CCDC141: variants seen among roughly 807,000 people sequenced by gnomAD.
The protein encoded by CCDC141 is coiled-coil domain containing 141.
A neutral mutation model predicts 181.0 loss-of-function variants in CCDC141; 168 were observed. The ratio of observed to expected loss-of-function variants is 0.93; its 90% CI spans 0.82 to 1.05. The LOEUF (loss-of-function observed/expected upper bound fraction) is 1.05, where lower values mean the gene tolerates loss of function less well. Ranked by LOEUF, CCDC141 falls within the 50% of genes least tolerant of loss-of-function variation. CCDC141 has a pLI of 0.00. For synonymous variants in CCDC141, 666 were observed against 642.3 expected (o/e 1.04, Z -0.56); for missense variants, 1,902 against 1,788.5 (o/e 1.06, Z -1.14).
At position 178,886,863 on chromosome 2, in the gene CCDC141, C is replaced by A; in HGVS notation, c.1416G>T (p.Met472Ile). ...GTACTGGACTGATTTTCTGAATTGA[C>A]ATTTCCACCTTTAGGAGTGAATAAT... ...SVEGYLRKVE[M>I]SIQKISPVLS... The change falls in exon 10 of 24, where the codon ATG (methionine) becomes ATT (isoleucine). Residue 472 changes from methionine (M) to isoleucine (I), a missense_variant. Met to Ile is a conservative substitution (Grantham distance 10). Transcript: ENST00000443758. 12 of 1,424,578 alleles carry A rather than the reference C, an allele frequency of 8.4e-6. No individual in the cohort carries two copies. Among genetic ancestry groups the A allele is most frequent in the Non-Finnish European group, 1.0e-5 (11 of 1,090,572 alleles). The allele number at this position is 1,424,578 out of a possible 1,614,324, so 88.2% of individuals were successfully genotyped here. A position where few individuals can be genotyped will look rare whatever the true frequency, so the allele number is the denominator to read the frequency against.
At chr2:178,840,616 C>A (rs1684680078) in intron 22 of CCDC141, among the ~76,000 whole-genome samples, 1 of 152,092 alleles carries the variant, frequency 6.6e-6, no homozygotes, top group Non-Finnish European at 1.5e-5. Flanking sequence ...ATGAAAATCC[C>A]CCGGAGGTGA....
At chr2:179,034,299 A>G (rs544026584) in intron 2 of CCDC141, among the ~76,000 whole-genome samples, 2 of 152,244 alleles carry the variant, frequency 1.3e-5, no homozygotes, top group Middle Eastern at 3.4e-3. Context: ...ATGATGACAG[A>G]TGGAAATGGA....
downstream of CCDC141, among the ~76,000 whole-genome samples, chr2:178,827,770 T>C (rs1684146527): frequency 1.3e-5 from 2 of 152,112 alleles, no homozygotes; most frequent in Non-Finnish European, 2.9e-5. Flanking sequence ...AACATGGTCA[T>C]TGTAGTAGCT....
chr2:178,981,480 A>G (rs114186651), intron 2 of CCDC141, among the ~76,000 whole-genome samples: 2,882 of 151,600 alleles, frequency 0.019, 92 homozygotes, highest in African/African-American at 0.065. Context: ...ATTAAACAAC[A>G]CACTTTAAAA....
At position 178,869,324 on chromosome 2, in the gene CCDC141, T is replaced by C. The variant is rs1686002628; in HGVS notation, c.2206-19A>G. 6.4e-7 allele frequency: 1 copy of C among 1,558,328 alleles called. No homozygotes were observed. The highest frequency in any genetic ancestry group is 8.6e-7 in the Non-Finnish European group (1 of 1,157,932). On this transcript the variant is annotated intron_variant, in intron 14 of 23. Coordinates refer to ENST00000443758, the MANE Select transcript of CCDC141 (RefSeq NM_173648.4). ...TCAATTGCTAAAACATTGAAAGCAA[T>C]AAAAAAATCTTGCTATTAAAGAACT...
chr2:178,915,475 A>G (rs944852125), intron 7 of CCDC141, among the ~76,000 whole-genome samples: 1 of 152,252 alleles, frequency 6.6e-6, no homozygotes, highest in Non-Finnish European at 1.5e-5. Flanking sequence ...TTGATACATT[A>G]GTATTTGACA....
intron 2 of CCDC141, among the ~76,000 whole-genome samples, chr2:179,042,456 T>C (rs1428470297): frequency 6.6e-6 from 1 of 152,186 alleles, no homozygotes; most frequent in East Asian, 1.9e-4. Context: ...CAATAAATTC[T>C]CCTGCCTCAG....
intron 17 of CCDC141, among the ~76,000 whole-genome samples, chr2:178,860,304 G>A (rs539474305): frequency 6.6e-6 from 1 of 151,852 alleles, no homozygotes; most frequent in Admixed American, 6.6e-5. Context: ...AGGCTGAGGC[G>A]GGTGGATCAC....
chr2:178,866,696 G>A (rs895514691), intron 16 of CCDC141, among the ~76,000 whole-genome samples: 5 of 143,616 alleles, frequency 3.5e-5, no homozygotes, highest in Admixed American at 3.4e-4. Flanking sequence ...GTTTTGTTTT[G>A]TTGTTGTTGT....
At chr2:179,041,505 T>TTG (rs2043305201) in intron 2 of CCDC141, among the ~76,000 whole-genome samples, 1 of 143,652 alleles carries the variant, frequency 7.0e-6, no homozygotes, top group Admixed American at 6.9e-5. Flanking sequence ...TTTTTTTTTT[T>TTG]TTTTTTTTTT....
intron 12 of CCDC141, 26 bp from the exon 13 acceptor site, chr2:178,872,338 A>G: frequency 6.3e-6 from 10 of 1,575,022 alleles, no homozygotes; most frequent in Non-Finnish European, 8.6e-6. Flanking sequence ...TTCATATAAT[A>G]GCTTTTCTTT....
intron 17 of CCDC141, among the ~76,000 whole-genome samples, chr2:178,859,741 TA>T (rs1169024384): frequency 1.3e-5 from 2 of 152,236 alleles, no homozygotes. Context: ...ATTTAAAAAC[TA>T]TAGCTATTTT....
At chr2:178,836,672 A>G (rs879580147) in intron 23 of CCDC141, 1 of 452,862 alleles carries the variant, frequency 2.2e-6, no homozygotes, top group Non-Finnish European at 3.8e-6. Context: ...AATTTGTTAA[A>G]TTATTAGTAC....
At chr2:179,011,534 A>G (rs1316981448) in intron 2 of CCDC141, among the ~76,000 whole-genome samples, 3 of 152,202 alleles carry the variant, frequency 2.0e-5, no homozygotes, top group African/African-American at 7.2e-5. Flanking sequence ...GGACTTCAAT[A>G]CCCCACTGAC....
At chr2:178,894,538 A>G (rs145791398) in intron 8 of CCDC141, among the ~76,000 whole-genome samples, 99 of 152,272 alleles carry the variant, frequency 6.5e-4, no homozygotes, top group African/African-American at 2.3e-3. Context: ...CCCACAATAA[A>G]AGACCAAGAA....
At chr2:178,864,139 G>A (rs1387013732) in intron 17 of CCDC141, among the ~76,000 whole-genome samples, 1 of 152,106 alleles carries the variant, frequency 6.6e-6, no homozygotes, top group Non-Finnish European at 1.5e-5. Flanking sequence ...CAAATGTAGA[G>A]CCCAACCATC....
intron 8 of CCDC141, among the ~76,000 whole-genome samples, chr2:178,894,270 G>A (rs1193579698): frequency 1.3e-5 from 2 of 152,108 alleles, no homozygotes; most frequent in Non-Finnish European, 2.9e-5. Context: ...GAGTCCAGGT[G>A]GTCACTGCAA....
intron 19 of CCDC141, among the ~76,000 whole-genome samples, chr2:178,854,417 G>A (rs556424015): frequency 2.6e-5 from 4 of 152,242 alleles, no homozygotes; most frequent in Admixed American, 1.3e-4. Flanking sequence ...CCAGCTACTC[G>A]GGAGGCTGAG....
At chr2:178,880,517 G>A (rs1003544066) in intron 11 of CCDC141, among the ~76,000 whole-genome samples, 5 of 152,098 alleles carry the variant, frequency 3.3e-5, no homozygotes, top group Admixed American at 6.5e-5. Flanking sequence ...TACAAGTGCC[G>A]AGAAAGGGGA....
Sources: allele counts gnomAD v4.1 joint callset (sites outside exome capture counted in the v4.1 genomes callset), GRCh38; gene constraint gnomAD v4.1.1; transcripts MANE v1.5; gene names NCBI Gene and HGNC (gene_info 2026-07-23, HGNC 2026-07-21).